Variants in ANTXR2 observed in about 807,000 individuals in gnomAD.
ANTXR2 encodes the protein anthrax toxin receptor 2.
A neutral mutation model predicts 73.7 loss-of-function variants in ANTXR2; 44 were observed. The observed-to-expected ratio is 0.60, with a 90% CI of 0.47 to 0.77. The LOEUF (loss-of-function observed/expected upper bound fraction) is 0.77. ANTXR2 is among the 30% of genes least tolerant of loss of function. ANTXR2 has a pLI of 0.00. For missense variants in ANTXR2, 604 were observed against 592.5 expected, an observed-to-expected ratio of 1.02 and a Z score of -0.20; for synonymous variants, 217 against 205.9, an observed-to-expected ratio of 1.05 and a Z score of -0.46.
intron 2 of ANTXR2, 95 bp downstream of exon 2, chr4:80,071,488 A>G: frequency 9.6e-7 from 1 of 1,036,986 alleles, no homozygotes. Flanking sequence ...GTAACATTTC[A>G]GGAAAAGTTT....
At chr4:79,908,428 A>C (rs988726862) in intron 16 of ANTXR2, among the ~76,000 whole-genome samples, 1 of 152,214 alleles carries the variant, frequency 6.6e-6, no homozygotes, top group African/African-American at 2.4e-5. Context: ...AAAGCAACAA[A>C]ACATTGTTGA....
chr4:79,920,538 G>T (rs1727554606), intron 16 of ANTXR2, among the ~76,000 whole-genome samples: 1 of 152,060 alleles, frequency 6.6e-6, no homozygotes, highest in Non-Finnish European at 1.5e-5. Context: ...ATGAGTGCTG[G>T]AGAAGTTGCA....
chr4:80,013,709 A>G (rs1216332773), intron 11 of ANTXR2, among the ~76,000 whole-genome samples: 2 of 152,188 alleles, frequency 1.3e-5, no homozygotes, highest in African/African-American at 4.8e-5. Context: ...TTCTATTTTC[A>G]ATAGATATTT....
chr4:80,051,672 A>G (rs1299304803), intron 7 of ANTXR2, among the ~76,000 whole-genome samples: 12 of 151,726 alleles, frequency 7.9e-5, no homozygotes, highest in Non-Finnish European at 1.3e-4. Context: ...TCTGGATCAA[A>G]TACATTTTAG....
intron 11 of ANTXR2, among the ~76,000 whole-genome samples, chr4:80,014,521 G>T (rs926429129): frequency 7.9e-5 from 12 of 151,898 alleles, no homozygotes; most frequent in African/African-American, 2.9e-4. Flanking sequence ...AGCCAAACTG[G>T]CGTCACTGCA....
chr4:80,070,807 T>C (rs1734752242), intron 2 of ANTXR2, among the ~76,000 whole-genome samples: 1 of 152,174 alleles, frequency 6.6e-6, no homozygotes, highest in Non-Finnish European at 1.5e-5. Context: ...AATGATACAG[T>C]TCCTATTCAT....
intron 7 of ANTXR2, among the ~76,000 whole-genome samples, chr4:80,042,186 A>T (rs1733299540): frequency 6.6e-6 from 1 of 152,070 alleles, no homozygotes; most frequent in Non-Finnish European, 1.5e-5. Flanking sequence ...AAGACAAAAG[A>T]GGCCATACTA....
intron 16 of ANTXR2, among the ~76,000 whole-genome samples, chr4:79,953,909 C>T (rs1022479777): frequency 2.0e-5 from 3 of 151,958 alleles, no homozygotes; most frequent in African/African-American, 7.3e-5. Context: ...TTCACTAGTA[C>T]TTCTCATTTA....
chr4:79,923,447 G>A (rs2109947863), intron 16 of ANTXR2, among the ~76,000 whole-genome samples: 1 of 152,118 alleles, frequency 6.6e-6, no homozygotes, highest in Non-Finnish European at 1.5e-5. Context: ...AATTAATAGG[G>A]AAGTGGCTGA....
chr4:79,953,771 T>G (rs1331968404), intron 16 of ANTXR2, among the ~76,000 whole-genome samples: 1 of 152,108 alleles, frequency 6.6e-6, no homozygotes, highest in African/African-American at 2.4e-5. Context: ...TGTAGGTGCT[T>G]AAAAATCAAT....
At chr4:79,931,859 G>T (rs2109961703) in intron 16 of ANTXR2, among the ~76,000 whole-genome samples, 1 of 152,298 alleles carries the variant, frequency 6.6e-6, no homozygotes, top group East Asian at 1.9e-4. Context: ...GCAACTGTCA[G>T]AACACACTCA....
intron 16 of ANTXR2, among the ~76,000 whole-genome samples, chr4:79,934,384 G>A (rs866610355): frequency 3.3e-5 from 5 of 152,092 alleles, no homozygotes; most frequent in African/African-American, 4.8e-5. Flanking sequence ...AAAATTAGCC[G>A]GGCATGGTTG....
intron 16 of ANTXR2, among the ~76,000 whole-genome samples, chr4:79,913,891 A>T (rs961317959): frequency 1.3e-5 from 2 of 152,276 alleles, no homozygotes; most frequent in Admixed American, 6.5e-5. Flanking sequence ...ATTGCAATTC[A>T]GTATAAGATT....
chr4:79,990,730 C>T (rs1370972172), intron 12 of ANTXR2, among the ~76,000 whole-genome samples: 1 of 152,086 alleles, frequency 6.6e-6, no homozygotes, highest in Non-Finnish European at 1.5e-5. Context: ...TGTCTTCAAA[C>T]TATGCTACAA....
intron 12 of ANTXR2, 100 bp from the exon 13 acceptor site, chr4:79,984,963 A>G: frequency 1.0e-6 from 1 of 975,646 alleles, no homozygotes; most frequent in Non-Finnish European, 1.5e-6. Context: ...TGGTAGCTCC[A>G]AAGAAGTCCC....
rs1578145493 is a variant in ANTXR2 at position 80,003,133 on chromosome 4, A to T, written c.1041+5388T>A. On this transcript the variant is annotated intron_variant, in intron 12 of 16. Coordinates refer to ENST00000403729, the MANE Select transcript of ANTXR2 (RefSeq NM_058172.6). ...ACACGTATGTTTATTGCGGCACTAC[A>T]CACAATAGCAAAGACTTGGAACCAA... is the stretch of plus-strand genomic sequence containing the variant. 3.9e-5 allele frequency among the ~76,000 whole-genome samples: 6 copies of T among 152,158 alleles called. No homozygotes were observed. In the South Asian group the frequency reaches 1.2e-3, roughly 32 times the overall value.
intron 16 of ANTXR2, among the ~76,000 whole-genome samples, chr4:79,931,449 TTCTCTCTCTCTCTC>T (rs142694925): frequency 0.013 from 1,694 of 134,170 alleles, 14 homozygotes; most frequent in Non-Finnish European, 0.018. Context: ...TCCTCGCTTC[TTCTCTCTCTCTCTC>T]TCTCTCTCTC....
At chr4:79,975,631 G>A (rs959368929) in intron 16 of ANTXR2, among the ~76,000 whole-genome samples, 2 of 151,922 alleles carry the variant, frequency 1.3e-5, no homozygotes, top group African/African-American at 4.8e-5. Flanking sequence ...TCTAACCTGG[G>A]GAATAAAAAC....
intron 7 of ANTXR2, among the ~76,000 whole-genome samples, chr4:80,046,941 G>T (rs1733540450): frequency 6.6e-6 from 1 of 151,648 alleles, no homozygotes; most frequent in East Asian, 1.9e-4. Flanking sequence ...GGTACATTTG[G>T]TGACAAATAT....
Sources: gnomAD v4.1 joint callset for allele counts (sites outside exome capture counted in the v4.1 genomes callset) on GRCh38, gnomAD v4.1.1 for gene constraint, MANE v1.5 for transcripts, NCBI Gene and HGNC (gene_info 2026-07-23, HGNC 2026-07-21) for gene names.